Variants in SGF29 observed in about 807,000 individuals in gnomAD.
SGF29 encodes SAGA-associated factor 29.
Under a neutral mutation model 38.1 loss-of-function variants are expected in SGF29, and 15 were observed. The observed-to-expected ratio is 0.39, with a 90% CI of 0.26 to 0.61. The LOEUF (loss-of-function observed/expected upper bound fraction) is 0.61. SGF29 is among the 20% of genes least tolerant of loss of function. The pLI is 0.49. For synonymous variants in SGF29, 151 were observed against 160.8 expected, an observed-to-expected ratio of 0.94 and a Z score of 0.46; for missense variants, 184 against 394.6, an observed-to-expected ratio of 0.47 and a Z score of 4.52.
intron 9 of SGF29, among the ~76,000 whole-genome samples, chr16:28,591,257 A>G (rs893601639): frequency 1.3e-5 from 2 of 152,174 alleles, no homozygotes; most frequent in Non-Finnish European, 2.9e-5. Flanking sequence ...ACCTGAGGCC[A>G]GGATCCCTGC....
chr16:28,590,456 A>G lies in SGF29; in HGVS notation c.566+14A>G, dbSNP rs890714192. 3 of 1,613,714 alleles carry G rather than the reference A, an allele frequency of 1.9e-6. No individual in the cohort carries two copies. Among genetic ancestry groups the G allele is most frequent in the Non-Finnish European group, 2.5e-6 (3 of 1,179,788 alleles). On this transcript the variant is annotated intron_variant, in intron 7 of 9. Transcript: ENST00000317058. This position sits in a 1 kb window ranked among gnomAD's most constrained non-coding sequence, Gnocchi z 8.2. ...TGCCACCAACAAGTGAGTGACACCA[A>G]CCCTGGGGCTGCTCTCTGGTCACCG...
intron 1 of SGF29, among the ~76,000 whole-genome samples, chr16:28,563,366 G>C (rs2046801495): frequency 6.6e-6 from 1 of 152,148 alleles, no homozygotes; most frequent in Admixed American, 6.6e-5. Flanking sequence ...GGGATAGCAA[G>C]AGCTTATTGT....
chr16:28,590,901 T>C lies in SGF29; in HGVS notation c.731T>C (p.Phe244Ser). 6.2e-7 allele frequency: 1 copy of C among 1,613,118 alleles called. No homozygotes were observed. The highest frequency in any genetic ancestry group is 2.2e-5 in the East Asian group (1 of 44,864). The change falls in exon 9 of 10, where the codon TTC becomes TCC. Residue 244 changes from phenylalanine to serine, a missense_variant. Phe to Ser is a radical substitution (Grantham distance 155, BLOSUM62 -2). Coordinates refer to ENST00000317058, the MANE Select transcript of SGF29 (RefSeq NM_138414.3). The surrounding 1 kb of genome is among the most constrained non-coding windows in gnomAD (Gnocchi z 8.2). ...GCCCTGTATCCCCAGACTACCTGCT[T>C]CTACCGCGCCCTGATCCATGCGCCC... The part of the protein sequence containing the change: ...VLALYPQTTC[F>S]YRALIHAPPQ...
chr16:28,557,830 T>A (rs1016537336), intron 1 of SGF29, among the ~76,000 whole-genome samples: 3 of 152,180 alleles, frequency 2.0e-5, no homozygotes, highest in African/African-American at 7.2e-5. Flanking sequence ...TATCCTATAT[T>A]GTGACAGCAG....
intron 5 of SGF29, chr16:28,589,423 T>A: frequency 2.1e-6 from 1 of 468,152 alleles, no homozygotes; most frequent in Non-Finnish European, 3.9e-6. Context: ...TTCTGGGGCC[T>A]GGGCCAGTCG....
At chr16:28,562,819 A>C (rs1246795943) in intron 1 of SGF29, among the ~76,000 whole-genome samples, 1 of 147,284 alleles carries the variant, frequency 6.8e-6, no homozygotes, top group Admixed American at 7.1e-5. Flanking sequence ...TGGGAGGATC[A>C]CTTGAGCCTG....
Position 28,585,772 on chromosome 16 carries a change from G to A in SGF29, c.224+52G>A, listed in dbSNP as rs562131250. ...CCGCTCCCTCCTTTCCTGGGGGCTGGGCTGCAGGTCCATTTGGACCAAGTC... is the reference window on the plus strand; with the variant it reads ...CCGCTCCCTCCTTTCCTGGGGGCTGAGCTGCAGGTCCATTTGGACCAAGTC... On this transcript the variant is annotated intron_variant, in intron 4 of 9. Transcript: ENST00000317058. The A allele has an allele frequency of 1.9e-6, 3 of 1,542,250 alleles. No individual in the cohort carries two copies. In the Admixed American group the frequency reaches 5.0e-5, roughly 26 times the overall value.
chr16:28,575,120 A>G (rs1233387713), intron 1 of SGF29, among the ~76,000 whole-genome samples: 4 of 152,070 alleles, frequency 2.6e-5, no homozygotes, highest in African/African-American at 7.2e-5. Flanking sequence ...CCCTTTCCCT[A>G]TGGTATACAA....
chr16:28,590,795 CGTGTCATCCCGCTGCCCCA>C lies in SGF29; in HGVS notation c.629_647del (p.Val210GlyfsTer33). 1.2e-6 allele frequency: 2 copies of C among 1,614,056 alleles called. No homozygotes were observed. Among genetic ancestry groups the C allele is most frequent in the Non-Finnish European group, 1.7e-6 (2 of 1,179,970 alleles). ...CAGGAGACACACCCTGAGCCGGCGCCGTGTCATCCCGCTGCCCCAGTGGAAGGCCAACCCGGAGACGGAC... is the reference window on the plus strand; with the variant it reads ...CAGGAGACACACCCTGAGCCGGCGCCGTGGAAGGCCAACCCGGAGACGGAC... On this transcript the variant is annotated frameshift_variant, in exon 9 of 10. Coordinates refer to ENST00000317058, the MANE Select transcript of SGF29 (RefSeq NM_138414.3). LOFTEE classifies it high-confidence loss of function. This position sits in a 1 kb window ranked among gnomAD's most constrained non-coding sequence, Gnocchi z 8.2.
At chr16:28,568,768 C>T (rs931622134) in intron 1 of SGF29, among the ~76,000 whole-genome samples, 6 of 151,720 alleles carry the variant, frequency 4.0e-5, no homozygotes, top group East Asian at 1.9e-4. Flanking sequence ...CAAAAATTAG[C>T]GGGGCATGGT....
chr16:28,587,450 G>T (rs2151653639), intron 4 of SGF29, among the ~76,000 whole-genome samples: 1 of 152,288 alleles, frequency 6.6e-6, no homozygotes, highest in Non-Finnish European at 1.5e-5. Flanking sequence ...CTGCTTTCTG[G>T]GGTCCCGGTG....
intron 1 of SGF29, among the ~76,000 whole-genome samples, chr16:28,580,609 CT>C (rs985562315): frequency 6.6e-6 from 1 of 152,166 alleles, no homozygotes; most frequent in Non-Finnish European, 1.5e-5. Context: ...ATCTTAAATA[CT>C]TCTCCAAAGA....
At chr16:28,573,457 G>C (rs2046877133) in intron 1 of SGF29, among the ~76,000 whole-genome samples, 2 of 152,202 alleles carry the variant, frequency 1.3e-5, no homozygotes, top group Admixed American at 6.5e-5. Flanking sequence ...GTTGGAAAGT[G>C]AAGTGGGGAC....
rs549041086 is a variant in SGF29 at position 28,571,842 on chromosome 16, G to A, written c.-15-9213G>A. On this transcript the variant is annotated intron_variant, in intron 1 of 9. Transcript: ENST00000317058. ...TGAAAATTAGAAAAGTGCCTGCTAA[G>A]TCCCTGACGCTACTAATGAGTGGTG... 2.0e-5 allele frequency among the ~76,000 whole-genome samples: 3 copies of A among 152,298 alleles called. No individual in the cohort carries two copies. The East Asian group carries it at 5.8e-4, about 29-fold the overall frequency.
At chr16:28,564,605 G>GTATA (rs1229937671) in intron 1 of SGF29, among the ~76,000 whole-genome samples, 4 of 107,866 alleles carry the variant, frequency 3.7e-5, no homozygotes, top group African/African-American at 1.4e-4. Flanking sequence ...ACATATATGT[G>GTATA]TATATATATA....
At chr16:28,577,169 T>C (rs769432662) in intron 1 of SGF29, among the ~76,000 whole-genome samples, 10 of 151,556 alleles carry the variant, frequency 6.6e-5, no homozygotes, top group Non-Finnish European at 1.3e-4. Flanking sequence ...CTCTGTCTCA[T>C]TAAAAAAGAA....
chr16:28,554,216 C>A (rs1288407027), intron 1 of SGF29, 119 bp downstream of exon 1: 1 of 151,416 alleles, frequency 6.6e-6, no homozygotes, highest in Non-Finnish European at 1.5e-5. Context: ...GGGCGGTGCG[C>A]ACGCGCTCTG....
chr16:28,570,474 G>A (rs917935728), intron 1 of SGF29, among the ~76,000 whole-genome samples: 2 of 152,030 alleles, frequency 1.3e-5, no homozygotes, highest in Non-Finnish European at 2.9e-5. Flanking sequence ...CAGATGGTGG[G>A]GAATTTGCCC....
In SGF29 at chr16:28,561,487, C is replaced by T. The variant is rs1018646744; in HGVS notation, c.-16+7390C>T. Among the ~76,000 whole-genome samples, 46 of 152,080 alleles carry T rather than the reference C, an allele frequency of 3.0e-4. 1 individual carries two copies. Among genetic ancestry groups the T allele is most frequent in the Middle Eastern group, 6.8e-3 (2 of 294 alleles). Reference sequence around the variant, plus strand: ...GGTGGAGATTGCAGTGAGCCAAGATCGCACCACTGCACTCCAGCCTGGGCA... The same window carrying T: ...GGTGGAGATTGCAGTGAGCCAAGATTGCACCACTGCACTCCAGCCTGGGCA... On this transcript the variant is annotated intron_variant, in intron 1 of 9. Coordinates refer to ENST00000317058, the MANE Select transcript of SGF29 (RefSeq NM_138414.3).
Sources: gnomAD v4.1 joint callset for allele counts (sites outside exome capture counted in the v4.1 genomes callset) on GRCh38, gnomAD v4.1.1 for gene constraint, Gnocchi (gnomAD v3.1) non-coding constraint, MANE v1.5 for transcripts, NCBI Gene and HGNC (gene_info 2026-07-23, HGNC 2026-07-21) for gene names.